SCARA5: variants seen among roughly 807,000 people sequenced by gnomAD.
SCARA5 encodes scavenger receptor class A member 5, also known as scavenger receptor class A, member 5 (putative).
Under a neutral mutation model 46.3 loss-of-function variants are expected in SCARA5, and 45 were observed. That is an observed-to-expected ratio of 0.97 (90% CI 0.76 to 1.24). The LOEUF (loss-of-function observed/expected upper bound fraction) is 1.24, where lower values mean the gene tolerates loss of function less well. Among genes scored for constraint, SCARA5 ranks in the 50% most tolerant of loss-of-function variants. The pLI is 0.00. For synonymous variants in SCARA5, 333 were observed against 306.5 expected (o/e 1.09, Z -0.90); for missense variants, 680 against 689.0 (o/e 0.99, Z 0.15).
At chr8:27,911,510 G>A (rs1807376019) in intron 4 of SCARA5, among the ~76,000 whole-genome samples, 1 of 152,156 alleles carries the variant, frequency 6.6e-6, no homozygotes, top group Non-Finnish European at 1.5e-5. Context: ...TGGCCAACAT[G>A]GTGAAATCCC....
intron 7 of SCARA5, among the ~76,000 whole-genome samples, chr8:27,889,289 C>A (rs1039474695): frequency 6.6e-6 from 1 of 152,172 alleles, no homozygotes; most frequent in Non-Finnish European, 1.5e-5. Flanking sequence ...AACAGATGTC[C>A]CATTACTTAG....
chr8:27,986,847 C>A (rs868553003), intron 2 of SCARA5, among the ~76,000 whole-genome samples: 1 of 152,208 alleles, frequency 6.6e-6, no homozygotes, highest in Non-Finnish European at 1.5e-5. Flanking sequence ...GGGCAATGCT[C>A]TCCTCTCTGA....
chr8:27,895,697 G>A (rs1212290108), intron 7 of SCARA5, among the ~76,000 whole-genome samples: 3 of 152,210 alleles, frequency 2.0e-5, no homozygotes, highest in Admixed American at 6.5e-5. Context: ...CCAAAGTGCT[G>A]TGTCTCCACT....
At chr8:27,926,243 T>TACAC (rs1485636754) in intron 3 of SCARA5, among the ~76,000 whole-genome samples, 2 of 152,152 alleles carry the variant, frequency 1.3e-5, no homozygotes, top group Non-Finnish European at 2.9e-5. Context: ...GTGGCACATA[T>TACAC]ACACCATGGA....
intron 4 of SCARA5, among the ~76,000 whole-genome samples, chr8:27,918,512 AAGGAGGAAAAGG>A (rs1807504391): frequency 0.012 from 2 of 170 alleles, no homozygotes. Flanking sequence ...AAAAGAGGAA[AAGGAGGAAAAGG>A]AGGAAAAGGC....
At chr8:27,982,460 C>A (rs536802398) in intron 2 of SCARA5, among the ~76,000 whole-genome samples, 4 of 152,288 alleles carry the variant, frequency 2.6e-5, no homozygotes, top group Non-Finnish European at 5.9e-5. Flanking sequence ...GAGTGAGCAT[C>A]CATCAGAGGC....
intron 4 of SCARA5, among the ~76,000 whole-genome samples, chr8:27,916,269 G>A (rs1807458563): frequency 6.6e-6 from 1 of 152,224 alleles, no homozygotes; most frequent in Admixed American, 6.5e-5. Context: ...AGCCAGGAAA[G>A]AGCAAAGCGT....
chr8:27,981,232 AT>A (rs1462507147), intron 2 of SCARA5, among the ~76,000 whole-genome samples: 2 of 152,354 alleles, frequency 1.3e-5, no homozygotes, highest in East Asian at 3.9e-4. Flanking sequence ...GCTCCCTCAG[AT>A]TAGGACACAT....
chr8:27,931,505 A>G (rs1807772151), intron 3 of SCARA5, among the ~76,000 whole-genome samples: 1 of 151,886 alleles, frequency 6.6e-6, no homozygotes, highest in South Asian at 2.1e-4. Context: ...GGTATGTGTG[A>G]TGAGTCATAG....
At chr8:27,907,695 G>A (rs933591538) in intron 5 of SCARA5, among the ~76,000 whole-genome samples, 16 of 146,454 alleles carry the variant, frequency 1.1e-4, no homozygotes, top group African/African-American at 3.1e-4. Flanking sequence ...TCACCCTCCC[G>A]AGTAACTGGG....
At chr8:27,906,266 C>A (rs987522414) in intron 6 of SCARA5, among the ~76,000 whole-genome samples, 1 of 152,150 alleles carries the variant, frequency 6.6e-6, no homozygotes, top group Non-Finnish European at 1.5e-5. Flanking sequence ...ATCAGATGTC[C>A]TTGTCTTCCG....
intron 3 of SCARA5, among the ~76,000 whole-genome samples, chr8:27,923,662 G>A (rs937018735): frequency 6.6e-6 from 1 of 152,070 alleles, no homozygotes; most frequent in Non-Finnish European, 1.5e-5. Flanking sequence ...TGCAACCTCT[G>A]CCTCCCAGGT....
At chr8:27,892,606 C>CTTTTTTTTTTTTTTT (rs1230257718) in intron 7 of SCARA5, among the ~76,000 whole-genome samples, 1 of 127,034 alleles carries the variant, frequency 7.9e-6, no homozygotes, top group Non-Finnish European at 1.6e-5. Flanking sequence ...ATACCTCACC[C>CTTTTTTTTTTTTTTT]TTTTTTTTTT....
intron 3 of SCARA5, among the ~76,000 whole-genome samples, chr8:27,932,262 G>A (rs1290352762): frequency 2.0e-5 from 3 of 152,186 alleles, no homozygotes; most frequent in African/African-American, 7.2e-5. Context: ...TTACAGGTAT[G>A]AGCCACCATG....
chr8:27,949,812 G>T (rs186166444), intron 3 of SCARA5, among the ~76,000 whole-genome samples: 4 of 152,218 alleles, frequency 2.6e-5, no homozygotes, highest in Admixed American at 6.5e-5. Flanking sequence ...AGGGGCCAGG[G>T]ACATGGGTCT....
intron 5 of SCARA5, among the ~76,000 whole-genome samples, chr8:27,909,393 C>A (rs1807329094): frequency 1.3e-5 from 2 of 152,034 alleles, no homozygotes; most frequent in Admixed American, 1.3e-4. Flanking sequence ...TCACACAGAC[C>A]CTGGCTCCTG....
intron 3 of SCARA5, among the ~76,000 whole-genome samples, chr8:27,960,954 T>A (rs1053634847): frequency 6.6e-6 from 1 of 152,216 alleles, no homozygotes; most frequent in African/African-American, 2.4e-5. Flanking sequence ...ACCACCAATC[T>A]TGCCCAATTT....
In SCARA5 at chr8:27,871,850, C is replaced by A; in HGVS notation, c.*84G>T. On this transcript the variant is annotated 3_prime_UTR_variant, in exon 9 of 9. Transcript: ENST00000354914. ...GGACGGGGTGTGGTCGAGGCATGGTCAGGGTGGCCCCGAGCTGTGCCCCAC... is the reference window on the plus strand; with the variant it reads ...GGACGGGGTGTGGTCGAGGCATGGTAAGGGTGGCCCCGAGCTGTGCCCCAC... 6.3e-7 allele frequency: 1 copy of A among 1,597,140 alleles called. No homozygotes were observed. Among genetic ancestry groups the A allele is most frequent in the South Asian group, 1.1e-5 (1 of 88,520 alleles).
intron 3 of SCARA5, among the ~76,000 whole-genome samples, chr8:27,950,789 C>T (rs1159940071): frequency 6.6e-6 from 1 of 150,890 alleles, no homozygotes; most frequent in African/African-American, 2.4e-5. Flanking sequence ...TTTCCTTGAG[C>T]GTATATTAAC....
Sources: gnomAD v4.1 joint callset for allele counts (sites outside exome capture counted in the v4.1 genomes callset) on GRCh38, gnomAD v4.1.1 for gene constraint, MANE v1.5 for transcripts, NCBI Gene and HGNC (gene_info 2026-07-23, HGNC 2026-07-21) for gene names.